Variants in RHBDD1 observed in about 807,000 individuals in gnomAD.
The protein encoded by RHBDD1 is rhomboid domain containing 1, also known as rhomboid-related protein 4.
Under a neutral mutation model 36.3 loss-of-function variants are expected in RHBDD1, and 38 were observed. That is an observed-to-expected ratio of 1.05 (90% CI 0.81 to 1.37). The LOEUF (loss-of-function observed/expected upper bound fraction) is 1.37, where lower values mean the gene tolerates loss of function less well. Among genes scored for constraint, RHBDD1 ranks in the 40% most tolerant of loss-of-function variants. The probability of loss-of-function intolerance (pLI) is 0.00; values close to 1 mark genes in which losing one functional copy is unlikely to be tolerated. For synonymous variants in RHBDD1, 151 were observed against 136.5 expected, an observed-to-expected ratio of 1.11 and a Z score of -0.74; for missense variants, 393 against 377.6, an observed-to-expected ratio of 1.04 and a Z score of -0.34.
chr2:226,867,143 C>A (rs1464423135), intron 4 of RHBDD1, 43 bp from the exon 5 acceptor site: 1 of 1,546,940 alleles, frequency 6.5e-7, no homozygotes, highest in Admixed American at 2.1e-5. Flanking sequence ...GATACTCCTA[C>A]TTTTGGATTG....
At chr2:226,986,523 T>C (rs1956994538) in intron 8 of RHBDD1, among the ~76,000 whole-genome samples, 1 of 152,106 alleles carries the variant, frequency 6.6e-6, no homozygotes, top group South Asian at 2.1e-4. Flanking sequence ...AGGTAAAGGA[T>C]ATGAACAGAT....
At chr2:226,953,031 A>G (rs1164422802) in intron 8 of RHBDD1, among the ~76,000 whole-genome samples, 1 of 152,216 alleles carries the variant, frequency 6.6e-6, no homozygotes, top group African/African-American at 2.4e-5. Context: ...AACTTTCATC[A>G]CATTCCAGTT....
rs145547505 is a variant in RHBDD1, at chr2:226,921,439, G to A, written c.856+7088G>A. ...AAGATGAATCATTATGTTATTTGAA[G>A]TTTTTCTACCTTTTAGATACAGGCG... is the stretch of plus-strand genomic sequence containing the variant. On this transcript the variant is annotated intron_variant, in intron 8 of 8. Coordinates refer to ENST00000392062, the MANE Select transcript of RHBDD1 (RefSeq NM_001167608.3). 4.7e-3 allele frequency among the ~76,000 whole-genome samples: 714 copies of A among 151,828 alleles called. 5 individuals carry two copies. The highest frequency in any genetic ancestry group is 0.016 in the African/African-American group (672 of 41,418).
intron 8 of RHBDD1, among the ~76,000 whole-genome samples, chr2:226,962,793 G>A (rs921839244): frequency 6.6e-6 from 1 of 152,174 alleles, no homozygotes; most frequent in Non-Finnish European, 1.5e-5. Flanking sequence ...TGCCTTTTCT[G>A]AAAATAAAGA....
intron 8 of RHBDD1, among the ~76,000 whole-genome samples, chr2:226,938,695 A>G (rs572142751): frequency 6.4e-4 from 98 of 152,258 alleles, no homozygotes; most frequent in African/African-American, 2.2e-3. Flanking sequence ...TCAGAGATAC[A>G]AAGAAGAGCT....
chr2:226,900,338 G>A (rs1947483271), intron 5 of RHBDD1, among the ~76,000 whole-genome samples: 1 of 152,152 alleles, frequency 6.6e-6, no homozygotes, highest in Non-Finnish European at 1.5e-5. Flanking sequence ...CAGAATCACT[G>A]TGACCCTGGA....
intron 8 of RHBDD1, among the ~76,000 whole-genome samples, chr2:226,927,833 T>C (rs1949766716): frequency 6.6e-6 from 1 of 152,150 alleles, no homozygotes; most frequent in Non-Finnish European, 1.5e-5. Flanking sequence ...AGGGAATTCT[T>C]TATATATTCT....
chr2:226,975,190 A>G (rs1010134923), intron 8 of RHBDD1, among the ~76,000 whole-genome samples: 3 of 152,218 alleles, frequency 2.0e-5, no homozygotes, highest in Admixed American at 2.0e-4. Context: ...ATGAGAATAA[A>G]GAGAAACTCT....
At chr2:226,956,403 A>G (rs915418092) in intron 8 of RHBDD1, among the ~76,000 whole-genome samples, 4 of 152,132 alleles carry the variant, frequency 2.6e-5, no homozygotes, top group East Asian at 3.9e-4. Flanking sequence ...AGTAGGTTCC[A>G]TATTTGACTG....
rs1461334471 is a variant in RHBDD1, at chr2:226,868,817, AT to A, written c.566+1501del. Among the ~76,000 whole-genome samples, 36 of 152,200 alleles carry A rather than the reference AT, an allele frequency of 2.4e-4. 1 individual carries two copies. Among genetic ancestry groups the A allele is most frequent in the Admixed American group, 2.3e-3 (35 of 15,278 alleles). On this transcript the variant is annotated intron_variant, in intron 5 of 8. Coordinates refer to ENST00000392062, the MANE Select transcript of RHBDD1 (RefSeq NM_001167608.3). ...CTGAGTACCACTCATTTACAATTGT[AT>A]TGCTACTTTTGACAGTTCCACGAAG...
At chr2:226,850,613 C>G (rs951083664) in intron 3 of RHBDD1, among the ~76,000 whole-genome samples, 2 of 152,010 alleles carry the variant, frequency 1.3e-5, no homozygotes, top group East Asian at 3.9e-4. Flanking sequence ...ATGCAGGATT[C>G]TAGGTGGTGT....
chr2:226,964,287 C>T (rs530702727), intron 8 of RHBDD1, among the ~76,000 whole-genome samples: 1 of 152,298 alleles, frequency 6.6e-6, no homozygotes, highest in South Asian at 2.1e-4. Flanking sequence ...AGCTAAGATC[C>T]CCTGCACCCT....
intron 8 of RHBDD1, among the ~76,000 whole-genome samples, chr2:226,939,516 C>G (rs1950539501): frequency 6.6e-6 from 1 of 152,116 alleles, no homozygotes; most frequent in South Asian, 2.1e-4. Context: ...GAATGAACTC[C>G]CATTCACAGT....
chr2:226,902,638 T>G (rs1184940319), intron 5 of RHBDD1, among the ~76,000 whole-genome samples: 1 of 152,192 alleles, frequency 6.6e-6, no homozygotes, highest in African/African-American at 2.4e-5. Flanking sequence ...AGATTCTCAG[T>G]TTTGATTGAA....
chr2:226,899,429 T>A (rs1947408997), intron 5 of RHBDD1, among the ~76,000 whole-genome samples: 1 of 152,190 alleles, frequency 6.6e-6, no homozygotes, highest in African/African-American at 2.4e-5. Context: ...GCACCCCCTC[T>A]GTGTCAGGAA....
chr2:226,984,135 C>T (rs1005999602), intron 8 of RHBDD1, among the ~76,000 whole-genome samples: 1 of 152,238 alleles, frequency 6.6e-6, no homozygotes, highest in Non-Finnish European at 1.5e-5. Context: ...GTTCACCGCT[C>T]TGATCACTGG....
Position 226,995,615 on chromosome 2 carries a change from C to A in RHBDD1, c.*93C>A, listed in dbSNP as rs1959178107. On this transcript the variant is annotated 3_prime_UTR_variant, in exon 9 of 9. Transcript: ENST00000392062. Reference sequence around the variant, plus strand: ...CTAATTCATTTTAATTCATTTTAAACAAAAGCAGAGTACACCGGTATTGCT... The same window carrying A: ...CTAATTCATTTTAATTCATTTTAAAAAAAAGCAGAGTACACCGGTATTGCT... The A allele has an allele frequency of 2.2e-6, 2 of 903,838 alleles. No individual in the cohort carries two copies. Among genetic ancestry groups the A allele is most frequent in the African/African-American group, 1.7e-5 (1 of 60,188 alleles). 56.0% of individuals were successfully genotyped at this position (903,838 alleles called of 1,614,324 possible). A position where few individuals can be genotyped will look rare whatever the true frequency, so the allele number is the denominator to read the frequency against.
intron 8 of RHBDD1, among the ~76,000 whole-genome samples, chr2:226,965,045 C>T (rs1266437689): frequency 6.6e-6 from 1 of 152,064 alleles, no homozygotes; most frequent in Non-Finnish European, 1.5e-5. Context: ...AAGATATGAC[C>T]ACCCAGAACC....
chr2:226,997,210 T>TA lies in RHBDD1; in HGVS notation c.*1689dup. On this transcript the variant is annotated 3_prime_UTR_variant, in exon 9 of 9. Transcript: ENST00000392062. ...AACTGATATAAAACTACATCTTCTT[T>TA]ATAATATAAATTGTACCTGTGAGTC... 6.6e-6 allele frequency: 1 copy of TA among 152,354 alleles called. No individual in the cohort carries two copies. Among genetic ancestry groups the TA allele is most frequent in the South Asian group, 2.1e-4 (1 of 4,828 alleles). 9.4% of individuals were successfully genotyped at this position (152,354 alleles called of 1,614,324 possible).
Sources: gnomAD v4.1 joint callset for allele counts (sites outside exome capture counted in the v4.1 genomes callset) on GRCh38, gnomAD v4.1.1 for gene constraint, MANE v1.5 for transcripts, NCBI Gene and HGNC (gene_info 2026-07-23, HGNC 2026-07-21) for gene names.